Variants in PARD3B observed in about 807,000 individuals in gnomAD.
PARD3B encodes par-3 family cell polarity regulator beta, also known as partitioning defective 3 homolog B.
Under a neutral mutation model 130.2 loss-of-function variants are expected in PARD3B, and 103 were observed. The observed-to-expected ratio is 0.79, with a 90% CI of 0.67 to 0.93. The LOEUF is 0.93. Ranked by LOEUF, PARD3B falls within the 40% of genes least tolerant of loss-of-function variation. PARD3B has a pLI of 0.00. For synonymous variants in PARD3B, 583 were observed against 553.2 expected (o/e 1.05, Z -0.76); for missense variants, 1,609 against 1,499.2 (o/e 1.07, Z -1.21).
At chr2:204,790,497 G>A (rs1328055416) in intron 2 of PARD3B, among the ~76,000 whole-genome samples, 2 of 152,130 alleles carry the variant, frequency 1.3e-5, no homozygotes, top group Non-Finnish European at 1.5e-5. Context: ...ATTAAGACGT[G>A]GTGTGTTATA....
chr2:204,964,339 G>A (rs1691024536), intron 2 of PARD3B, among the ~76,000 whole-genome samples: 1 of 152,168 alleles, frequency 6.6e-6, no homozygotes, highest in Non-Finnish European at 1.5e-5. Context: ...ATACAGTAGT[G>A]TCTGTGTGAT....
chr2:204,721,145 T>G (rs568221872), intron 2 of PARD3B, among the ~76,000 whole-genome samples: 2 of 152,260 alleles, frequency 1.3e-5, no homozygotes, highest in South Asian at 2.1e-4. Context: ...CAGCTAAAAC[T>G]TGGTTGGTTT....
chr2:204,858,782 A>G (rs2045062007), intron 2 of PARD3B, among the ~76,000 whole-genome samples: 1 of 148,322 alleles, frequency 6.7e-6, no homozygotes, highest in South Asian at 2.1e-4. Flanking sequence ...ATACATATAT[A>G]ATATATAAAA....
rs2054433961 is a variant in PARD3B at position 205,592,776 on chromosome 2, G to A, written c.3261-22680G>A. On this transcript the variant is annotated intron_variant, in intron 22 of 22. Transcript: ENST00000406610. This position sits in a 1 kb window ranked among gnomAD's most constrained non-coding sequence, Gnocchi z 4.5. The stretch of plus-strand genomic sequence containing the variant: ...CAGGAAGAAGCGGCATCTGGAACAA[G>A]TACAGATGGCCAAATCAAGAACCTT... Among the ~76,000 whole-genome samples, 9 of 152,242 alleles carry A rather than the reference G, an allele frequency of 5.9e-5. No homozygotes were observed. In the South Asian group the frequency reaches 1.9e-3, roughly 32 times the overall value.
intron 22 of PARD3B, among the ~76,000 whole-genome samples, chr2:205,598,112 A>T (rs2054635935): frequency 6.6e-6 from 1 of 152,136 alleles, no homozygotes; most frequent in Non-Finnish European, 1.5e-5. Flanking sequence ...CTCACATATC[A>T]ATATTAACCT....
chr2:204,704,181 A>G (rs1317784873), intron 2 of PARD3B, among the ~76,000 whole-genome samples: 1 of 152,188 alleles, frequency 6.6e-6, no homozygotes, highest in Non-Finnish European at 1.5e-5. Flanking sequence ...CAGCACCACT[A>G]TTCATCTCCA....
At chr2:204,571,518 A>G (rs573064597) in intron 1 of PARD3B, among the ~76,000 whole-genome samples, 22 of 152,222 alleles carry the variant, frequency 1.4e-4, no homozygotes, top group Non-Finnish European at 2.5e-4. Flanking sequence ...CTGAGCTCTA[A>G]GTTTCTCATA....
intron 18 of PARD3B, among the ~76,000 whole-genome samples, chr2:205,370,230 T>C (rs2105905107): frequency 6.6e-6 from 1 of 152,312 alleles, no homozygotes; most frequent in East Asian, 1.9e-4. Flanking sequence ...TCAATTTTTT[T>C]AAGTGGAGGT....
chr2:205,579,871 T>C (rs1429534449), intron 22 of PARD3B, among the ~76,000 whole-genome samples: 5 of 152,248 alleles, frequency 3.3e-5, no homozygotes, highest in Non-Finnish European at 1.5e-5. Context: ...TTGACACGTA[T>C]TGCCTTATAT....
rs775133374 is a variant in PARD3B at position 204,617,092 on chromosome 2, C to T, written c.121-69089C>T. 1.4e-4 allele frequency among the ~76,000 whole-genome samples: 22 copies of T among 152,148 alleles called. 1 individual carries two copies. The highest frequency in any genetic ancestry group is 2.4e-4 in the Non-Finnish European group (16 of 68,040). ...GATTTCTCAAATGTTCCAAATGTTC[C>T]ATCTCCCTTCCCAGGGTTCCTCTTT... is the stretch of plus-strand genomic sequence containing the variant. On this transcript the variant is annotated intron_variant, in intron 1 of 22. Transcript: ENST00000406610.
At chr2:205,000,933 G>A (rs1487119532) in intron 3 of PARD3B, among the ~76,000 whole-genome samples, 2 of 152,070 alleles carry the variant, frequency 1.3e-5, no homozygotes, top group African/African-American at 4.8e-5. Context: ...GGTTTTGCAG[G>A]TAGAAGCCTG....
intron 2 of PARD3B, among the ~76,000 whole-genome samples, chr2:204,810,084 ATT>A (rs199846021): frequency 0.25 from 37,210 of 148,844 alleles, 7,512 homozygotes; most frequent in African/African-American, 0.56. Flanking sequence ...TTTAACATTG[ATT>A]TTTTTTTTTA....
At chr2:204,697,376 T>C (rs1342743181) in intron 2 of PARD3B, among the ~76,000 whole-genome samples, 1 of 152,136 alleles carries the variant, frequency 6.6e-6, no homozygotes, top group Non-Finnish European at 1.5e-5. Context: ...TGAGTGATCA[T>C]AGAAAAGGTA....
intron 13 of PARD3B, among the ~76,000 whole-genome samples, chr2:205,179,362 T>C (rs1169474495): frequency 6.7e-6 from 1 of 149,326 alleles, no homozygotes; most frequent in Non-Finnish European, 1.5e-5. Context: ...TCTATAGTAG[T>C]GTACAGTAGT....
At chr2:204,750,490 G>A (rs576591687) in intron 2 of PARD3B, among the ~76,000 whole-genome samples, 1 of 152,178 alleles carries the variant, frequency 6.6e-6, no homozygotes. Flanking sequence ...GGAGGGTGGG[G>A]CTGGAGAATC....
At chr2:205,615,423 G>A in intron 22 of PARD3B, 33 bp from the exon 23 acceptor site, 1 of 1,535,376 alleles carries the variant, frequency 6.5e-7, no homozygotes, top group Non-Finnish European at 8.8e-7. Flanking sequence ...CAGCTTAGGA[G>A]CTGCTAACAT....
At chr2:205,095,750 T>A (rs1234691863) in intron 4 of PARD3B, among the ~76,000 whole-genome samples, 1 of 152,018 alleles carries the variant, frequency 6.6e-6, no homozygotes, top group East Asian at 1.9e-4. Flanking sequence ...CTACCAAAAA[T>A]AAGCGATAAA....
At chr2:204,848,137 G>C (rs1255469810) in intron 2 of PARD3B, among the ~76,000 whole-genome samples, 1 of 152,000 alleles carries the variant, frequency 6.6e-6, no homozygotes, top group East Asian at 1.9e-4. Flanking sequence ...CTCTTATTCT[G>C]CCTAAAGTTT....
chr2:205,503,022 C>T (rs1401092565), intron 21 of PARD3B, among the ~76,000 whole-genome samples: 1 of 149,896 alleles, frequency 6.7e-6, no homozygotes, highest in African/African-American at 2.5e-5. Flanking sequence ...CCTCTCCCCT[C>T]TCCCCTCTCT....
Sources: allele counts gnomAD v4.1 joint callset (sites outside exome capture counted in the v4.1 genomes callset), GRCh38; gene constraint gnomAD v4.1.1; non-coding constraint Gnocchi (gnomAD v3.1); transcripts MANE v1.5; gene names NCBI Gene and HGNC (gene_info 2026-07-23, HGNC 2026-07-21).